LPCAT3: variants seen among roughly 807,000 people sequenced by gnomAD.
LPCAT3 encodes the protein lysophospholipid acyltransferase 5.
A neutral mutation model predicts 63.4 loss-of-function variants in LPCAT3; 21 were observed. The observed-to-expected ratio is 0.33, with a 90% CI of 0.23 to 0.48. The LOEUF (loss-of-function observed/expected upper bound fraction) is 0.48, where lower values mean the gene tolerates loss of function less well. Among genes scored for constraint, LPCAT3 ranks in the 20% least tolerant of loss-of-function variants. LPCAT3 has a pLI of 0.99. For missense variants in LPCAT3, 451 were observed against 590.6 expected (o/e 0.76, Z 2.45); for synonymous variants, 242 against 227.5 (o/e 1.06, Z -0.58).
At chr12:6,985,550 C>G (rs1438733367) in intron 1 of LPCAT3, among the ~76,000 whole-genome samples, 2 of 141,780 alleles carry the variant, frequency 1.4e-5, no homozygotes, top group Non-Finnish European at 3.1e-5. Context: ...CCCATCTCTA[C>G]CAAAAATATA....
At position 7,017,276 on chromosome 12, in the gene LPCAT3, G is replaced by GTA. The variant is rs1258160967; in HGVS notation, c.151+996_151+997dup. Among the ~76,000 whole-genome samples the GTA allele has an allele frequency of 2.0e-5, 3 of 152,154 alleles. No homozygotes were observed. The highest frequency in any genetic ancestry group is 4.4e-5 in the Non-Finnish European group (3 of 68,040). ...AACGTTCCAACTGCTTAAATTTTAT[G>GTA]TATATATATGTACAGGTACTTCCCA... is the stretch of plus-strand genomic sequence containing the variant. On this transcript the variant is annotated intron_variant, in intron 1 of 12. Coordinates refer to ENST00000261407, the MANE Select transcript of LPCAT3 (RefSeq NM_005768.6). The surrounding 1 kb of genome is among the most constrained non-coding windows in gnomAD (Gnocchi z 4.1).
At chr12:6,980,333 G>A (rs967855599) in intron 6 of LPCAT3, among the ~76,000 whole-genome samples, 3 of 151,734 alleles carry the variant, frequency 2.0e-5, no homozygotes, top group African/African-American at 2.4e-5. Flanking sequence ...ATGAGCCACT[G>A]TGCCCTCCTG....
At chr12:6,990,225 A>G (rs1267221804) in intron 1 of LPCAT3, among the ~76,000 whole-genome samples, 2 of 151,006 alleles carry the variant, frequency 1.3e-5, no homozygotes, top group African/African-American at 2.4e-5. Context: ...TAAAAAAAAT[A>G]TAAGCGGGGC....
At chr12:7,001,860 A>C (rs782357014) in intron 1 of LPCAT3, among the ~76,000 whole-genome samples, 15 of 152,254 alleles carry the variant, frequency 9.9e-5, no homozygotes, top group Middle Eastern at 3.4e-3. Context: ...AAAGAAGGGG[A>C]GGAGAAAAAG....
Position 7,017,753 on chromosome 12 carries a change from A to G in LPCAT3, c.151+521T>C, listed in dbSNP as rs1555157720. On this transcript the variant is annotated intron_variant, in intron 1 of 12. Coordinates refer to ENST00000261407, the MANE Select transcript of LPCAT3 (RefSeq NM_005768.6). This position sits in a 1 kb window ranked among gnomAD's most constrained non-coding sequence, Gnocchi z 4.1. Reference sequence around the variant, plus strand: ...AAGCAACATGGTATAAAAAGAAAATAGTAGGACTGGGACAGAAAAGAGACG... The same window carrying G: ...AAGCAACATGGTATAAAAAGAAAATGGTAGGACTGGGACAGAAAAGAGACG... 2.2e-4 allele frequency among the ~76,000 whole-genome samples: 33 copies of G among 152,352 alleles called. 1 individual carries two copies. Among genetic ancestry groups the G allele is most frequent in the East Asian group, 5.8e-4 (3 of 5,194 alleles).
chr12:6,979,370 T>C (rs1383409373), intron 7 of LPCAT3, 101 bp downstream of exon 7: 2 of 846,476 alleles, frequency 2.4e-6, no homozygotes, highest in Non-Finnish European at 1.9e-6. Flanking sequence ...CATGCACTTG[T>C]AGATGATATT....
intron 1 of LPCAT3, chr12:6,997,427 GTT>G (rs1565603365): frequency 7.3e-6 from 1 of 137,480 alleles, no homozygotes; most frequent in Non-Finnish European, 1.5e-5. Context: ...GTGTGTGTGT[GTT>G]TCAAGACACA....
In LPCAT3 at chr12:7,013,069, A is replaced by G. The variant is rs144966308; in HGVS notation, c.151+5205T>C. Among the ~76,000 whole-genome samples the G allele has an allele frequency of 1.6e-3, 251 of 152,354 alleles. 1 individual carries two copies. The highest frequency in any genetic ancestry group is 3.4e-3 in the Middle Eastern group (1 of 294). The stretch of plus-strand genomic sequence containing the variant: ...TACAAATATATAATTACAAAGTGTA[A>G]TATATACTTGGAAGGAAATTCCGGT... On this transcript the variant is annotated intron_variant, in intron 1 of 12. Transcript: ENST00000261407.
At chr12:6,986,688 C>T (rs1946529143) in intron 1 of LPCAT3, among the ~76,000 whole-genome samples, 1 of 147,216 alleles carries the variant, frequency 6.8e-6, no homozygotes, top group Admixed American at 7.1e-5. Context: ...GAGGCTGAGG[C>T]AGGGGAATCG....
intron 1 of LPCAT3, among the ~76,000 whole-genome samples, chr12:7,000,776 G>A (rs895517740): frequency 6.6e-6 from 1 of 150,892 alleles, no homozygotes; most frequent in Non-Finnish European, 1.5e-5. Flanking sequence ...GCGCGATCTC[G>A]GCTCACTGCA....
intron 1 of LPCAT3, among the ~76,000 whole-genome samples, chr12:7,016,585 TG>T (rs1946799083): frequency 6.6e-6 from 1 of 152,080 alleles, no homozygotes; most frequent in African/African-American, 2.4e-5. Flanking sequence ...CCTAATTTTT[TG>T]TAGAGACAAA....
chr12:7,010,675 AT>A (rs1173700187), intron 1 of LPCAT3, among the ~76,000 whole-genome samples: 2 of 152,076 alleles, frequency 1.3e-5, no homozygotes, highest in African/African-American at 4.8e-5. Context: ...TGATTATATA[AT>A]TTTTTTTGTA....
At chr12:6,983,360 G>A in intron 2 of LPCAT3, 72 bp downstream of exon 2, 1 of 1,001,754 alleles carries the variant, frequency 1.0e-6, no homozygotes, top group Non-Finnish European at 1.5e-6. Flanking sequence ...TTCTCTCAAG[G>A]AAATTTTGTT....
chr12:7,008,751 CA>C (rs373623440), intron 1 of LPCAT3, among the ~76,000 whole-genome samples: 3 of 138,202 alleles, frequency 2.2e-5, no homozygotes, highest in African/African-American at 2.7e-5. Context: ...GACTCCATCT[CA>C]AAAAAAAAAC....
At position 6,976,279 on chromosome 12, in the gene LPCAT3, C is replaced by CA. The variant is rs1704046351; in HGVS notation, c.*624dup. 1 of 154,014 alleles carries CA rather than the reference C, an allele frequency of 6.5e-6. No homozygotes were observed. The highest frequency in any genetic ancestry group is 2.4e-5 in the African/African-American group (1 of 41,438). 9.5% of individuals were successfully genotyped at this position (154,014 alleles called of 1,614,324 possible). A position where few individuals can be genotyped will look rare whatever the true frequency, so the allele number is the denominator to read the frequency against. Reference sequence around the variant, plus strand: ...GGCCTTGCACCCCTCTCCACCCCCCCATGGGGGGGGTGGTGGTAGCGGCAC... The same window carrying CA: ...GGCCTTGCACCCCTCTCCACCCCCCCAATGGGGGGGGTGGTGGTAGCGGCAC... On this transcript the variant is annotated 3_prime_UTR_variant, in exon 13 of 13. Coordinates refer to ENST00000261407, the MANE Select transcript of LPCAT3 (RefSeq NM_005768.6).
chr12:6,978,814 C>A (rs1219626963), intron 7 of LPCAT3, 125 bp from the exon 8 acceptor site: 3 of 1,386,470 alleles, frequency 2.2e-6, no homozygotes, highest in African/African-American at 1.4e-5. Flanking sequence ...GCCAGATGCC[C>A]TCAATAGTCT....
intron 3 of LPCAT3, 29 bp downstream of exon 3, chr12:6,982,647 G>C: frequency 6.5e-7 from 1 of 1,539,504 alleles, no homozygotes. Context: ...GTCAGCTGTA[G>C]CCTGAGCTGC....
Position 6,983,526 on chromosome 12 carries a change from A to G in LPCAT3, c.165T>C (p.Ala55=). The part of the protein sequence containing the change: ...IISIFLGYPF[A]LFYRHYLFYK... ...AGAAAAGGTAATGCCGATAAAACAA[A>G]GCAAAGGGGTAACCTAGATGGGGGA... Residue 55 remains alanine, a synonymous_variant, in exon 2 of 13, where the codon GCT becomes GCC. Transcript: ENST00000261407. 6.2e-7 allele frequency: 1 copy of G among 1,605,390 alleles called. No homozygotes were observed. Among genetic ancestry groups the G allele is most frequent in the Non-Finnish European group, 8.5e-7 (1 of 1,172,304 alleles).
intron 1 of LPCAT3, among the ~76,000 whole-genome samples, chr12:7,014,338 C>A (rs1946783869): frequency 2.0e-5 from 3 of 152,136 alleles, no homozygotes; most frequent in South Asian, 2.1e-4. Flanking sequence ...TTTATATGAG[C>A]AATTCATGGT....
Sources: gnomAD v4.1 joint callset for allele counts (sites outside exome capture counted in the v4.1 genomes callset) on GRCh38, gnomAD v4.1.1 for gene constraint, Gnocchi (gnomAD v3.1) non-coding constraint, MANE v1.5 for transcripts, NCBI Gene and HGNC (gene_info 2026-07-23, HGNC 2026-07-21) for gene names.